AKAP13: variants seen among roughly 807,000 people sequenced by gnomAD.
AKAP13 encodes the protein A-kinase anchoring protein 13.
Under a neutral mutation model 264.5 loss-of-function variants are expected in AKAP13, and 80 were observed. That is an observed-to-expected ratio of 0.30 (90% CI 0.25 to 0.36). The LOEUF (loss-of-function observed/expected upper bound fraction) is 0.36, where lower values mean the gene tolerates loss of function less well. AKAP13 is among the 10% of genes least tolerant of loss of function. The probability of loss-of-function intolerance (pLI) is 1.00; values close to 1 mark genes in which losing one functional copy is unlikely to be tolerated. For synonymous variants in AKAP13, 1,380 were observed against 1,250.2 expected (o/e 1.10, Z -2.19); for missense variants, 3,712 against 3,435.2 (o/e 1.08, Z -2.01).
At chr15:85,582,928 C>G in intron 7 of AKAP13, 1 of 985,440 alleles carries the variant, frequency 1.0e-6, no homozygotes, top group Non-Finnish European at 1.2e-6. Flanking sequence ...CAGCCTGTTC[C>G]ATCTGTGGGT....
intron 5 of AKAP13, chr15:85,555,611 T>A: frequency 6.6e-6 from 4 of 601,618 alleles, no homozygotes; most frequent in Non-Finnish European, 1.1e-5. Context: ...GAAGGACTTG[T>A]GTTGTTAGGA....
chr15:85,613,713 T>TATATATATATGTATGTATATATATATATA, intron 8 of AKAP13, among the ~76,000 whole-genome samples: 2 of 111,030 alleles, frequency 1.8e-5, no homozygotes, highest in East Asian at 6.9e-4. Context: ...TATATATATA[T>TATATATATATGTATGTATATATATATATA]TAGGAGTGCT....
chr15:85,382,384 A>G (rs934810377), intron 1 of AKAP13, among the ~76,000 whole-genome samples: 13 of 152,126 alleles, frequency 8.5e-5, no homozygotes, highest in African/African-American at 2.4e-4. Flanking sequence ...GCTAAAGACA[A>G]ATTTTCTTCA....
chr15:85,435,360 G>C (rs2150937439), intron 1 of AKAP13, among the ~76,000 whole-genome samples: 1 of 128,778 alleles, frequency 7.8e-6, no homozygotes, highest in South Asian at 2.7e-4. Flanking sequence ...TGAAAGTGAA[G>C]GGGAGAATGG....
At chr15:85,740,994 C>G in intron 34 of AKAP13, 52 bp from the exon 35 acceptor site, 1 of 1,548,870 alleles carries the variant, frequency 6.5e-7, no homozygotes, top group Non-Finnish European at 8.7e-7. Flanking sequence ...GATCCAGAAG[C>G]TCGCTGTCGT....
intron 9 of AKAP13, among the ~76,000 whole-genome samples, chr15:85,640,771 G>A (rs2082272193): frequency 6.6e-6 from 1 of 152,104 alleles, no homozygotes; most frequent in African/African-American, 2.4e-5. Flanking sequence ...GAGACTTTCT[G>A]CCAAGTAAAG....
rs2079151917 is a variant in AKAP13 at position 85,582,143 on chromosome 15, A to C, written c.4039+36A>C. 3.3e-6 allele frequency: 5 copies of C among 1,537,056 alleles called. No individual in the cohort carries two copies. The East Asian group carries it at 9.0e-5, about 28-fold the overall frequency. ...CATAATACAAAATTAACAGTCTGAGAAGCAGATTCCCTTAAGAGTCACTGT... is the reference window on the plus strand; with the variant it reads ...CATAATACAAAATTAACAGTCTGAGCAGCAGATTCCCTTAAGAGTCACTGT... On this transcript the variant is annotated intron_variant, in intron 7 of 36. Coordinates refer to ENST00000394518, the MANE Select transcript of AKAP13 (RefSeq NM_007200.5).
At chr15:85,510,270 TG>T (rs2151118452) in intron 2 of AKAP13, among the ~76,000 whole-genome samples, 1 of 152,366 alleles carries the variant, frequency 6.6e-6, no homozygotes, top group East Asian at 1.9e-4. Context: ...TGAGCAGCAC[TG>T]GGCTTAGACA....
intron 17 of AKAP13, chr15:85,702,294 G>A (rs979017536): frequency 6.6e-6 from 1 of 151,894 alleles, no homozygotes; most frequent in Admixed American, 6.6e-5. Flanking sequence ...AGGATTGAAA[G>A]CAACAAAATA....
rs2089414075 is a variant in AKAP13 at position 85,747,807 on chromosome 15, A to T, written c.*3130A>T. ...GAATCCTTACCAAGGTTTTTTTGGA[A>T]AGGTACGAATCTTAACTTTTTTCCC... On this transcript the variant is annotated 3_prime_UTR_variant, in exon 37 of 37. Coordinates refer to ENST00000394518, the MANE Select transcript of AKAP13 (RefSeq NM_007200.5). 6.5e-6 allele frequency: 1 copy of T among 152,876 alleles called. No homozygotes were observed. The highest frequency in any genetic ancestry group is 2.1e-4 in the South Asian group (1 of 4,822). The allele number at this position is 152,876 out of a possible 1,614,324, so 9.5% of individuals were successfully genotyped here. A position where few individuals can be genotyped will look rare whatever the true frequency, so the allele number is the denominator to read the frequency against.
chr15:85,633,657 C>T (rs1394606219), intron 8 of AKAP13, among the ~76,000 whole-genome samples: 1 of 150,546 alleles, frequency 6.6e-6, no homozygotes, highest in Non-Finnish European at 1.5e-5. Flanking sequence ...CATTCTCCTG[C>T]CTCAGCCTCC....
intron 17 of AKAP13, among the ~76,000 whole-genome samples, chr15:85,704,933 G>C (rs910444145): frequency 3.3e-5 from 5 of 152,180 alleles, no homozygotes; most frequent in Admixed American, 2.6e-4. Context: ...ACTGTGAATT[G>C]AGTCCAGGAC....
In AKAP13 at chr15:85,514,016, C is replaced by CA. The variant is rs2076527293; in HGVS notation, c.34-7412_34-7411insA. ...GGCAGATTTCGCTGAATGAATTCTC[C>CA]TTTTTTTTTCTTTCTTATAACTAAT... On this transcript the variant is annotated intron_variant, in intron 2 of 36. Transcript: ENST00000394518. Among the ~76,000 whole-genome samples the CA allele has an allele frequency of 1.5e-5, 2 of 135,816 alleles. 1 individual carries two copies. The highest frequency in any genetic ancestry group is 6.0e-5 in the African/African-American group (2 of 33,530). 89.1% of individuals were successfully genotyped at this position (135,816 alleles called of 152,430 possible).
chr15:85,624,464 C>T (rs2081322681), intron 8 of AKAP13: 1 of 151,548 alleles, frequency 6.6e-6, no homozygotes, highest in Admixed American at 6.6e-5. Context: ...TAAAAGTTTG[C>T]TTACTGTAAG....
intron 1 of AKAP13, among the ~76,000 whole-genome samples, chr15:85,421,003 C>T (rs1322666768): frequency 6.6e-6 from 1 of 152,104 alleles, no homozygotes; most frequent in Non-Finnish European, 1.5e-5. Context: ...ATGTGAAGGT[C>T]TGAGAACTAT....
chr15:85,462,851 C>T (rs546000182), intron 1 of AKAP13, among the ~76,000 whole-genome samples: 9 of 150,496 alleles, frequency 6.0e-5, no homozygotes, highest in Non-Finnish European at 7.4e-5. Context: ...GATGAAACCC[C>T]GTCTCTACTA....
intron 14 of AKAP13, among the ~76,000 whole-genome samples, chr15:85,678,766 G>T (rs911708818): frequency 2.0e-4 from 30 of 152,064 alleles, no homozygotes; most frequent in African/African-American, 6.8e-4. Flanking sequence ...TTACTTGGGA[G>T]GCTGAGGCAG....
At chr15:85,729,573 T>C (rs1336745298) in intron 29 of AKAP13, among the ~76,000 whole-genome samples, 3 of 152,076 alleles carry the variant, frequency 2.0e-5, no homozygotes, top group Non-Finnish European at 2.9e-5. Flanking sequence ...TAATGAATTA[T>C]CAGCATATAG....
Position 85,741,049 on chromosome 15 carries a change from G to A in AKAP13, c.7612G>A (p.Val2538Met). 1.9e-6 allele frequency: 3 copies of A among 1,605,976 alleles called. No individual in the cohort carries two copies. Among genetic ancestry groups the A allele is most frequent in the Middle Eastern group, 1.8e-4 (1 of 5,536 alleles). The change falls in exon 35 of 37, where the codon GTG becomes ATG. Residue 2538 changes from valine (V) to methionine (M), a missense_variant. Around this residue, in one of 3 missense-constraint regions of AKAP13, gnomAD observed 611 missense variants for 539.3 expected, o/e 1.13. Transcript: ENST00000394518. ...LYELLSALQG[V>M]VLQQDSYIED... is the part of the protein sequence containing the mutation. Reference sequence around the variant, plus strand: ...CTCCCCTCTGTGTGCCTCCCAGGGTGTGGTGCTGCAGCAGGACAGCTACAT... The same window carrying A: ...CTCCCCTCTGTGTGCCTCCCAGGGTATGGTGCTGCAGCAGGACAGCTACAT...
Sources: gnomAD v4.1 joint callset for allele counts (sites outside exome capture counted in the v4.1 genomes callset) on GRCh38, gnomAD v4.1.1 for gene constraint, gnomAD v4.1.1 regional missense constraint, MANE v1.5 for transcripts, NCBI Gene and HGNC (gene_info 2026-07-23, HGNC 2026-07-21) for gene names.